ARMH4: variants seen among roughly 807,000 people sequenced by gnomAD.
The protein encoded by ARMH4 is armadillo like helical domain containing 4.
Under a neutral mutation model 61.9 loss-of-function variants are expected in ARMH4, and 49 were observed. That is an observed-to-expected ratio of 0.79 (90% CI 0.63 to 1.00). ARMH4 has a LOEUF of 1.00. Among genes scored for constraint, ARMH4 ranks in the 50% least tolerant of loss-of-function variants. The pLI, the probability that ARMH4 is intolerant of heterozygous loss-of-function variation, is 0.00. For missense variants in ARMH4, 934 were observed against 930.0 expected, an observed-to-expected ratio of 1.00 and a Z score of -0.06; for synonymous variants, 368 against 341.5, an observed-to-expected ratio of 1.08 and a Z score of -0.85.
At chr14:58,056,389 T>C (rs1321850291) in intron 5 of ARMH4, among the ~76,000 whole-genome samples, 1 of 152,236 alleles carries the variant, frequency 6.6e-6, no homozygotes, top group South Asian at 2.1e-4. Flanking sequence ...ACCTTCAAAA[T>C]GCTATGATAT....
intron 5 of ARMH4, among the ~76,000 whole-genome samples, chr14:58,031,694 A>G (rs1487912326): frequency 6.6e-6 from 1 of 152,236 alleles, no homozygotes; most frequent in Admixed American, 6.5e-5. Flanking sequence ...AATGCAATAC[A>G]TGATACACTA....
intron 5 of ARMH4, among the ~76,000 whole-genome samples, chr14:58,089,697 A>T (rs977054426): frequency 3.3e-5 from 5 of 152,216 alleles, no homozygotes; most frequent in Non-Finnish European, 5.9e-5. Flanking sequence ...ATCAATGCAA[A>T]GGAAGGCTCT....
At position 58,092,244 on chromosome 14, in the gene ARMH4, A is replaced by G. The variant is rs572804805; in HGVS notation, c.2089+4480T>C. Among the ~76,000 whole-genome samples, 806 of 152,370 alleles carry G rather than the reference A, an allele frequency of 5.3e-3. 3 individuals carry two copies. The highest frequency in any genetic ancestry group is 9.1e-3 in the Non-Finnish European group (618 of 68,040). On this transcript the variant is annotated intron_variant, in intron 5 of 7. Transcript: ENST00000267485. ...AAATAAAACAACCCCATTTAAAAAT[A>G]GGAATGAAGCGGACAGCCAATTAAA...
chr14:58,070,815 T>C (rs1212694110), intron 5 of ARMH4, among the ~76,000 whole-genome samples: 1 of 152,164 alleles, frequency 6.6e-6, no homozygotes, highest in African/African-American at 2.4e-5. Flanking sequence ...TCATTCTATT[T>C]TTTTATTTTT....
intron 5 of ARMH4, among the ~76,000 whole-genome samples, chr14:58,041,671 C>A (rs547080455): frequency 6.6e-6 from 1 of 152,094 alleles, no homozygotes; most frequent in East Asian, 1.9e-4. Flanking sequence ...AGAGTCAAGA[C>A]CCATCAGTGT....
chr14:58,054,402 G>A lies in ARMH4; in HGVS notation c.2090-42252C>T, dbSNP rs117206700. On this transcript the variant is annotated intron_variant, in intron 5 of 7. Transcript: ENST00000267485. ...TTTGAAGTCATACTGAATAGGCAGT[G>A]AAGATTTAGCTGCCTGCAAGATTAT... Among the ~76,000 whole-genome samples the A allele has an allele frequency of 3.7e-4, 57 of 152,316 alleles. 1 individual carries two copies. The East Asian group carries it at 0.011, about 29-fold the overall frequency.
At chr14:58,057,582 G>C (rs1344903131) in intron 5 of ARMH4, among the ~76,000 whole-genome samples, 1 of 152,084 alleles carries the variant, frequency 6.6e-6, no homozygotes, top group Non-Finnish European at 1.5e-5. Context: ...GTGTGTGTGT[G>C]TGTGTGTATT....
chr14:58,131,522 A>G lies in ARMH4; in HGVS notation c.1821T>C (p.Leu607=), dbSNP rs771333577. 6.2e-7 allele frequency: 1 copy of G among 1,613,588 alleles called. No individual in the cohort carries two copies. The highest frequency in any genetic ancestry group is 1.1e-5 in the South Asian group (1 of 91,030). The change falls in exon 4 of 8, where the codon CTT becomes CTC. Residue 607 remains leucine (L), a synonymous_variant. Coordinates refer to ENST00000267485, the MANE Select transcript of ARMH4 (RefSeq NM_001001872.4). ...NTAASYGLDQ[L]ESEEGQEDED... ...TCAAAGCATGAATACCTTCAGATTCAAGTTGGTCCAGGCCATATGAGGCAG... is the reference window on the plus strand; with the variant it reads ...TCAAAGCATGAATACCTTCAGATTCGAGTTGGTCCAGGCCATATGAGGCAG...
At position 58,003,889 on chromosome 14, in the gene ARMH4, C is replaced by T. The variant is rs1237427974; in HGVS notation, c.*847G>A. ...TAGAACCAAATGGCAGACAGAAATG[C>T]TCTGAGAGCTTACCTACCCTCATCT... is the stretch of plus-strand genomic sequence containing the variant. On this transcript the variant is annotated 3_prime_UTR_variant, in exon 8 of 8. Transcript: ENST00000267485. 1 of 152,192 alleles carries T rather than the reference C, an allele frequency of 6.6e-6. No homozygotes were observed. Among genetic ancestry groups the T allele is most frequent in the Admixed American group, 6.5e-5 (1 of 15,284 alleles). 9.4% of individuals were successfully genotyped at this position (152,192 alleles called of 1,614,324 possible).
At chr14:58,019,270 CTAAG>C (rs1882726343) in intron 5 of ARMH4, among the ~76,000 whole-genome samples, 1 of 152,046 alleles carries the variant, frequency 6.6e-6, no homozygotes, top group South Asian at 2.1e-4. Flanking sequence ...CACAAAAATG[CTAAG>C]TATGTGAGGT....
intron 4 of ARMH4, among the ~76,000 whole-genome samples, chr14:58,124,908 G>T (rs925231431): frequency 6.6e-6 from 1 of 151,974 alleles, no homozygotes; most frequent in Non-Finnish European, 1.5e-5. Flanking sequence ...TTAGGAGAAG[G>T]AAAAAAGGTA....
chr14:58,064,010 G>A (rs1884618998), intron 5 of ARMH4, among the ~76,000 whole-genome samples: 1 of 152,268 alleles, frequency 6.6e-6, no homozygotes, highest in South Asian at 2.1e-4. Flanking sequence ...GAAGTAAATG[G>A]CTGGTGTAGG....
At position 58,138,732 on chromosome 14, in the gene ARMH4, A is replaced by G. The variant is rs1449148267; in HGVS notation, c.627T>C (p.Tyr209=). 1.9e-6 allele frequency: 3 copies of G among 1,614,178 alleles called. No individual in the cohort carries two copies. In the South Asian group the frequency reaches 3.3e-5, roughly 18 times the overall value. Residue 209 remains tyrosine, a synonymous_variant, in exon 2 of 8, where the codon TAT becomes TAC. Transcript: ENST00000267485. ...TGGTTAGCATTTCCTTAGTATTCAC[A>G]TAGGATGAAGGTGAATGTCCCAAAC... The part of the protein sequence containing the change: ...GVGLGHSPSS[Y]VNTKEMLTTN...
At chr14:58,134,741 G>A (rs8013343) in intron 2 of ARMH4, among the ~76,000 whole-genome samples, 7,522 of 152,026 alleles carry the variant, frequency 0.049, 294 homozygotes, top group African/African-American at 0.11. Context: ...AGGATCACAA[G>A]GTCAGGAGTT....
intron 1 of ARMH4, among the ~76,000 whole-genome samples, chr14:58,144,029 T>G (rs1268595213): frequency 1.3e-5 from 2 of 151,946 alleles, no homozygotes; most frequent in Non-Finnish European, 2.9e-5. Flanking sequence ...CCACCTCAGC[T>G]TCCCAAAGTG....
At chr14:58,072,761 T>C (rs965986985) in intron 5 of ARMH4, among the ~76,000 whole-genome samples, 1 of 151,984 alleles carries the variant, frequency 6.6e-6, no homozygotes, top group Non-Finnish European at 1.5e-5. Flanking sequence ...CGTTCCTTTT[T>C]AGTTGACTGC....
At chr14:58,139,446 T>C (rs781193369) in intron 1 of ARMH4, 32 bp from the exon 2 acceptor site, 36 of 1,189,244 alleles carry the variant, frequency 3.0e-5, no homozygotes, top group African/African-American at 4.6e-5. Context: ...CAAACTGTCA[T>C]ATAAATACAT....
intron 4 of ARMH4, among the ~76,000 whole-genome samples, chr14:58,117,726 T>C (rs1886577109): frequency 6.6e-6 from 1 of 152,132 alleles, no homozygotes; most frequent in African/African-American, 2.4e-5. Flanking sequence ...CCAATTTTCA[T>C]TAAGTTATGT....
chr14:58,132,635 G>T (rs1420441578), intron 3 of ARMH4, among the ~76,000 whole-genome samples: 2 of 133,778 alleles, frequency 1.5e-5, no homozygotes, highest in Non-Finnish European at 3.1e-5. Context: ...CACCAAGCCG[G>T]AGTGCAGTGG....
Sources: allele counts gnomAD v4.1 joint callset (sites outside exome capture counted in the v4.1 genomes callset), GRCh38; gene constraint gnomAD v4.1.1; transcripts MANE v1.5; gene names NCBI Gene and HGNC (gene_info 2026-07-23, HGNC 2026-07-21).